The following TRIM10 variants were observed in gnomAD, a reference collection of about 807,000 sequenced individuals.
TRIM10 encodes the protein tripartite motif-containing protein 10.
Under a neutral mutation model 40.0 loss-of-function variants are expected in TRIM10, and 42 were observed. That is an observed-to-expected ratio of 1.05 (90% CI 0.82 to 1.36). TRIM10 has a LOEUF of 1.36. Ranked by LOEUF, TRIM10 falls within the 40% of genes most tolerant of loss-of-function variation. The pLI is 0.00. For synonymous variants in TRIM10, 260 were observed against 239.5 expected (o/e 1.09, Z -0.79); for missense variants, 601 against 608.3 (o/e 0.99, Z 0.13).
In TRIM10 at chr6:30,153,569, T is replaced by C. The variant is rs1426353170; in HGVS notation, c.*400A>G. On this transcript the variant is annotated 3_prime_UTR_variant, in exon 7 of 7. Transcript: ENST00000449742. ...CTAGAGAATGTGATTACATGAACTC[T>C]AACATTATTGGAAGAAAACAAGATG... 4 of 894,490 alleles carry C rather than the reference T, an allele frequency of 4.5e-6. No individual in the cohort carries two copies. Among genetic ancestry groups the C allele is most frequent in the Non-Finnish European group, 7.1e-6 (4 of 566,594 alleles). 55.4% of individuals were successfully genotyped at this position (894,490 alleles called of 1,614,324 possible). A position where few individuals can be genotyped will look rare whatever the true frequency, so the allele number is the denominator to read the frequency against.
chr6:30,158,249 T>A (rs187470506), intron 3 of TRIM10, 150 bp downstream of exon 3: 2 of 702,424 alleles, frequency 2.8e-6, no homozygotes, highest in Admixed American at 4.9e-5. Flanking sequence ...TGGAAAAGCA[T>A]GAACTAGAAT....
At position 30,153,916 on chromosome 6, in the gene TRIM10, A is replaced by G. The variant is rs1772252387; in HGVS notation, c.*53T>C. The G allele has an allele frequency of 2.5e-6, 4 of 1,579,556 alleles. No individual in the cohort carries two copies. Among genetic ancestry groups the G allele is most frequent in the Admixed American group, 1.7e-5 (1 of 58,004 alleles). ...CAGCCAGGGATCAAGTCCACATGGT[A>G]CTTGGGTTGATATGAGTCCTGTACT... is the stretch of plus-strand genomic sequence containing the variant. On this transcript the variant is annotated 3_prime_UTR_variant, in exon 7 of 7. Coordinates refer to ENST00000449742, the MANE Select transcript of TRIM10 (RefSeq NM_006778.4).
intron 5 of TRIM10, 87 bp downstream of exon 5, chr6:30,156,852 C>T: frequency 8.4e-7 from 1 of 1,187,030 alleles, no homozygotes; most frequent in South Asian, 1.2e-5. Context: ...GCCAAAGTCA[C>T]ACCTTTCAGC....
At chr6:30,154,941 G>A (rs369087342) in intron 6 of TRIM10, among the ~76,000 whole-genome samples, 1 of 152,068 alleles carries the variant, frequency 6.6e-6, no homozygotes, top group East Asian at 1.9e-4. Context: ...TTTCCTCCCA[G>A]GGCACTGGTG....
In TRIM10 at chr6:30,154,843, A is replaced by AT. The variant is rs1031887019; in HGVS notation, c.929-358dup. On this transcript the variant is annotated intron_variant, in intron 6 of 6. Coordinates refer to ENST00000449742, the MANE Select transcript of TRIM10 (RefSeq NM_006778.4). ...TGCCAGCTTGGATCTCCTGGGGCTG[A>AT]TATACCACATTCTCCCCTCCTCCCA... is the stretch of plus-strand genomic sequence containing the variant. 6 of 567,748 alleles carry AT rather than the reference A, an allele frequency of 1.1e-5. No individual in the cohort carries two copies. In the African/African-American group the frequency reaches 1.1e-4, roughly 10 times the overall value. 35.2% of individuals were successfully genotyped at this position (567,748 alleles called of 1,614,324 possible). A position where few individuals can be genotyped will look rare whatever the true frequency, so the allele number is the denominator to read the frequency against.
In TRIM10 at chr6:30,160,427, T is replaced by C. The variant is rs747477347; in HGVS notation, c.429+3A>G. The C allele has an allele frequency of 6.2e-7, 1 of 1,611,750 alleles. No individual in the cohort carries two copies. Among genetic ancestry groups the C allele is most frequent in the Non-Finnish European group, 8.5e-7 (1 of 1,178,328 alleles). ...CTGGGATCCCCCAGTTCCCCTTTCC[T>C]ACCCTATAGGGAGCCGCTGCATCCT... is the stretch of plus-strand genomic sequence containing the variant. On this transcript the variant is annotated splice_donor_region_variant and intron_variant, in intron 1 of 6. Coordinates refer to ENST00000449742, the MANE Select transcript of TRIM10 (RefSeq NM_006778.4).
At chr6:30,155,645 T>C (rs942533956) in intron 6 of TRIM10, 82 bp downstream of exon 6, 6 of 1,260,198 alleles carry the variant, frequency 4.8e-6, no homozygotes, top group Non-Finnish European at 6.9e-6. Flanking sequence ...AGTCATAACA[T>C]AGTCATAGTG....
At chr6:30,157,133 A>G in intron 4 of TRIM10, 79 bp from the exon 5 acceptor site, 1 of 1,407,176 alleles carries the variant, frequency 7.1e-7, no homozygotes, top group African/African-American at 1.4e-5. Context: ...ATCTTCTAAT[A>G]GGGCATGATG....
Position 30,160,999 on chromosome 6 carries a change from G to A in TRIM10, c.-141C>T, listed in dbSNP as rs1054210350. ...CTAAATATGCACCAGCACCCATATC[G>A]TCACACACTTGCATCTCTGGCAGCC... On this transcript the variant is annotated 5_prime_UTR_variant, in exon 1 of 7. In the 5' UTR this introduces an upstream ATG that the reference lacks. Transcript: ENST00000449742. 1.0e-5 allele frequency: 8 copies of A among 799,356 alleles called. No individual in the cohort carries two copies. The Admixed American group carries it at 1.5e-4, about 15-fold the overall frequency. 49.5% of individuals were successfully genotyped at this position (799,356 alleles called of 1,614,324 possible).
At position 30,153,538 on chromosome 6, in the gene TRIM10, A is replaced by G; in HGVS notation, c.*431T>C. 2.8e-6 allele frequency: 2 copies of G among 723,364 alleles called. No homozygotes were observed. The highest frequency in any genetic ancestry group is 4.6e-6 in the Non-Finnish European group (2 of 432,296). The allele number at this position is 723,364 out of a possible 1,614,324, so 44.8% of individuals were successfully genotyped here. ...TTGGTTCATAGTTAACACAAACTAA[A>G]TGGTTCTAGAGAATGTGATTACATG... On this transcript the variant is annotated 3_prime_UTR_variant, in exon 7 of 7. Transcript: ENST00000449742.
chr6:30,153,608 T>A lies in TRIM10; in HGVS notation c.*361A>T. On this transcript the variant is annotated 3_prime_UTR_variant, in exon 7 of 7. Coordinates refer to ENST00000449742, the MANE Select transcript of TRIM10 (RefSeq NM_006778.4). ...GAAAACAAGATGAAAAGAGGTGAGA[T>A]GCCTTGTTTAAAGTCATACAACTGG... 8.7e-7 allele frequency: 1 copy of A among 1,151,716 alleles called. No homozygotes were observed. Among genetic ancestry groups the A allele is most frequent in the Non-Finnish European group, 1.3e-6 (1 of 784,216 alleles). 71.3% of individuals were successfully genotyped at this position (1,151,716 alleles called of 1,614,324 possible). A position where few individuals can be genotyped will look rare whatever the true frequency, so the allele number is the denominator to read the frequency against.
At position 30,157,357 on chromosome 6, in the gene TRIM10, T is replaced by G. The variant is rs557288658; in HGVS notation, c.779+12A>C. The G allele has an allele frequency of 1.3e-6, 2 of 1,594,824 alleles. No individual in the cohort carries two copies. The highest frequency in any genetic ancestry group is 2.7e-5 in the African/African-American group (2 of 73,836). ...ATATGGAAAAAGAAAAGAGAGAAAC[T>G]ATATTGCTTACCTTATTAGAGTGCT... On this transcript the variant is annotated intron_variant, in intron 4 of 6. Transcript: ENST00000449742.
rs1470567364 is a variant in TRIM10 at position 30,158,776 on chromosome 6, G to A, written c.526-147C>T. 5 of 722,668 alleles carry A rather than the reference G, an allele frequency of 6.9e-6. No individual in the cohort carries two copies. The East Asian group carries it at 1.0e-4, about 15-fold the overall frequency. The allele number at this position is 722,668 out of a possible 1,614,324, so 44.8% of individuals were successfully genotyped here. The stretch of plus-strand genomic sequence containing the variant: ...CCCATTTCGAGAAGCAAGACTCACA[G>A]TGTTGTCTCAGCACCATCTGCTGCA... On this transcript the variant is annotated intron_variant, in intron 2 of 6. Transcript: ENST00000449742.
intron 6 of TRIM10, 50 bp from the exon 7 acceptor site, chr6:30,154,536 C>T: frequency 6.3e-7 from 1 of 1,592,460 alleles, no homozygotes; most frequent in Non-Finnish European, 8.5e-7. Context: ...GCTATTACCT[C>T]CAAGGAAGGC....
At chr6:30,156,427 C>T (rs1469359662) in intron 5 of TRIM10, among the ~76,000 whole-genome samples, 2 of 152,158 alleles carry the variant, frequency 1.3e-5, no homozygotes. Context: ...CCTACCACCA[C>T]TCCCTGTTCC....
rs1398159398 is a variant in TRIM10 at position 30,153,457 on chromosome 6, T to C, written c.*512A>G. The C allele has an allele frequency of 1.8e-6, 1 of 554,428 alleles. No homozygotes were observed. 34.3% of individuals were successfully genotyped at this position (554,428 alleles called of 1,614,324 possible). On this transcript the variant is annotated 3_prime_UTR_variant, in exon 7 of 7. Transcript: ENST00000449742. ...GTCTTCCCAAGAGCTCTTTCAGATA[T>C]AGAGCAGGTTTTTTTTTTCTCTATA...
At chr6:30,158,195 C>T (rs1050508318) in intron 3 of TRIM10, among the ~76,000 whole-genome samples, 9 of 152,168 alleles carry the variant, frequency 5.9e-5, no homozygotes, top group African/African-American at 1.9e-4. Context: ...GATGGTGGGA[C>T]GGAGAGGTGG....
In TRIM10 at chr6:30,154,413, G is replaced by C. The variant is rs1316227545; in HGVS notation, c.1002C>G (p.Phe334Leu). ...CTGGTGAGTTCTGCCATTTGTAGGAGAACTGAGCTCGCTGGTGGTCCTCGG... is the reference window on the plus strand; with the variant it reads ...CTGGTGAGTTCTGCCATTTGTAGGACAACTGAGCTCGCTGGTGGTCCTCGG... The part of the protein sequence containing the change: ...LLSEDHQRAQ[F>L]SYKWQNSPDN... Residue 334 changes from phenylalanine to leucine, a missense_variant, in exon 7 of 7, where the codon TTC becomes TTG. Coordinates refer to ENST00000449742, the MANE Select transcript of TRIM10 (RefSeq NM_006778.4). 2 of 1,613,026 alleles carry C rather than the reference G, an allele frequency of 1.2e-6. No individual in the cohort carries two copies. The highest frequency in any genetic ancestry group is 1.7e-6 in the Non-Finnish European group (2 of 1,180,004).
chr6:30,154,493 G>C lies in TRIM10; in HGVS notation c.929-7C>G. ...GGGTCTAGAGAAATGTGAGCTGTGG[G>C]GATAACCAAAAGGGACAGATGTCAG... On this transcript the variant is annotated splice_polypyrimidine_tract_variant and splice_region_variant and intron_variant, in intron 6 of 6. Transcript: ENST00000449742. 1 of 1,608,012 alleles carries C rather than the reference G, an allele frequency of 6.2e-7. No individual in the cohort carries two copies. Among genetic ancestry groups the C allele is most frequent in the Non-Finnish European group, 8.5e-7 (1 of 1,179,582 alleles).
Sources: gnomAD v4.1 joint callset for allele counts (sites outside exome capture counted in the v4.1 genomes callset) on GRCh38, gnomAD v4.1.1 for gene constraint, MANE v1.5 for transcripts, NCBI Gene and HGNC (gene_info 2026-07-23, HGNC 2026-07-21) for gene names.